The following KCNH7 variants were observed in gnomAD, a reference collection of about 807,000 sequenced individuals.
KCNH7 encodes the protein potassium voltage-gated channel subfamily H member 7, also known as voltage-gated inwardly rectifying potassium channel KCNH7.
In KCNH7, 49 loss-of-function variants were observed where a neutral mutation model predicts 120.8. The ratio of observed to expected loss-of-function variants is 0.41; its 90% CI spans 0.32 to 0.51. The LOEUF (loss-of-function observed/expected upper bound fraction) is 0.51, where lower values mean the gene tolerates loss of function less well. Among genes scored for constraint, KCNH7 ranks in the 20% least tolerant of loss-of-function variants. KCNH7 has a pLI of 0.38. For synonymous variants in KCNH7, 547 were observed against 516.1 expected (o/e 1.06, Z -0.81); for missense variants, 1,097 against 1,446.6 (o/e 0.76, Z 3.92).
At chr2:162,787,635 G>A (rs750484034) in intron 2 of KCNH7, among the ~76,000 whole-genome samples, 2 of 152,184 alleles carry the variant, frequency 1.3e-5, no homozygotes, top group Non-Finnish European at 2.9e-5. Flanking sequence ...TCATGATCAA[G>A]TCTTTCCCAT....
intron 8 of KCNH7, among the ~76,000 whole-genome samples, chr2:162,426,724 G>T (rs533132546): frequency 5.9e-5 from 9 of 152,100 alleles, no homozygotes; most frequent in African/African-American, 1.9e-4. Flanking sequence ...AAATTTTATT[G>T]ATGTGTAATT....
chr2:162,706,467 A>T (rs1288777225), intron 2 of KCNH7, among the ~76,000 whole-genome samples: 1 of 152,070 alleles, frequency 6.6e-6, no homozygotes, highest in Non-Finnish European at 1.5e-5. Flanking sequence ...TATTTTACAG[A>T]TGAGAAGACT....
chr2:162,813,379 A>G (rs909553420), intron 2 of KCNH7, among the ~76,000 whole-genome samples: 6 of 152,200 alleles, frequency 3.9e-5, no homozygotes, highest in African/African-American at 1.4e-4. Flanking sequence ...TGTGTACACA[A>G]TGGTGGTCAC....
intron 2 of KCNH7, among the ~76,000 whole-genome samples, chr2:162,808,181 A>T (rs917361076): frequency 1.3e-5 from 2 of 152,196 alleles, no homozygotes; most frequent in African/African-American, 4.8e-5. Flanking sequence ...ACCTAATGCA[A>T]TGTAATGCTA....
At chr2:162,607,785 T>A (rs1340720313) in intron 2 of KCNH7, among the ~76,000 whole-genome samples, 1 of 152,076 alleles carries the variant, frequency 6.6e-6, no homozygotes, top group Non-Finnish European at 1.5e-5. Context: ...GAATGTAAAT[T>A]ATAGCTAATA....
chr2:162,491,177 A>G (rs1690292056), intron 6 of KCNH7, among the ~76,000 whole-genome samples: 1 of 152,198 alleles, frequency 6.6e-6, no homozygotes. Flanking sequence ...CCTCTGGTTG[A>G]GCCAAGAGGG....
At chr2:162,753,399 GCTT>G (rs1424556304) in intron 2 of KCNH7, among the ~76,000 whole-genome samples, 2 of 152,056 alleles carry the variant, frequency 1.3e-5, no homozygotes, top group East Asian at 3.8e-4. Context: ...TTTCACAGAA[GCTT>G]ATGAGATAGA....
intron 2 of KCNH7, among the ~76,000 whole-genome samples, chr2:162,718,481 T>A (rs769884950): frequency 5.3e-5 from 8 of 152,032 alleles, no homozygotes; most frequent in Non-Finnish European, 1.0e-4. Context: ...CTGAAATCAT[T>A]TAAAGCCCAC....
chr2:162,635,369 A>G (rs1024626032), intron 2 of KCNH7, among the ~76,000 whole-genome samples: 6 of 152,052 alleles, frequency 3.9e-5, no homozygotes, highest in Admixed American at 3.9e-4. Flanking sequence ...TAGGTCCCCA[A>G]GATATTACTA....
At chr2:162,753,029 A>G (rs1461069499) in intron 2 of KCNH7, among the ~76,000 whole-genome samples, 1 of 139,774 alleles carries the variant, frequency 7.2e-6, no homozygotes, top group African/African-American at 2.7e-5. Flanking sequence ...AAAAGAAAAG[A>G]AACCCTGACT....
chr2:162,703,256 G>C (rs1392754810), intron 2 of KCNH7, among the ~76,000 whole-genome samples: 1 of 152,000 alleles, frequency 6.6e-6, no homozygotes, highest in Non-Finnish European at 1.5e-5. Context: ...CTTTGTATTT[G>C]AGACACCTAA....
At chr2:162,672,074 G>A (rs35429901) in intron 2 of KCNH7, among the ~76,000 whole-genome samples, 25,424 of 151,814 alleles carry the variant, frequency 0.17, 2,469 homozygotes, top group East Asian at 0.46. Flanking sequence ...CAGAACCACA[G>A]GAAAAAAATT....
chr2:162,426,223 A>T (rs1372688603), intron 8 of KCNH7, among the ~76,000 whole-genome samples: 1 of 151,826 alleles, frequency 6.6e-6, no homozygotes, highest in Non-Finnish European at 1.5e-5. Context: ...TTAAAAAAAA[A>T]AAAAAAAAAA....
chr2:162,399,664 G>A (rs1687013930), intron 10 of KCNH7, among the ~76,000 whole-genome samples: 1 of 151,822 alleles, frequency 6.6e-6, no homozygotes, highest in Non-Finnish European at 1.5e-5. Flanking sequence ...TCTATCACTG[G>A]TTGTTAAGTT....
intron 2 of KCNH7, among the ~76,000 whole-genome samples, chr2:162,778,156 G>A (rs1683325433): frequency 6.6e-6 from 1 of 151,952 alleles, no homozygotes; most frequent in Admixed American, 6.6e-5. Flanking sequence ...AGGAAAATGG[G>A]AATTTCTCTT....
At chr2:162,613,070 AC>A (rs1267279090) in intron 2 of KCNH7, among the ~76,000 whole-genome samples, 1 of 151,980 alleles carries the variant, frequency 6.6e-6, no homozygotes, top group Non-Finnish European at 1.5e-5. Context: ...AGAGAAAACA[AC>A]CACATATGCC....
intron 2 of KCNH7, among the ~76,000 whole-genome samples, chr2:162,748,098 T>C (rs905905747): frequency 7.2e-5 from 11 of 152,198 alleles, no homozygotes; most frequent in Non-Finnish European, 1.6e-4. Flanking sequence ...TAAAAAGCAC[T>C]AAACACTAAA....
At chr2:162,644,417 T>C (rs1271673422) in intron 2 of KCNH7, among the ~76,000 whole-genome samples, 1 of 152,184 alleles carries the variant, frequency 6.6e-6, no homozygotes, top group Non-Finnish European at 1.5e-5. Flanking sequence ...TTTATTTTTA[T>C]CAGTGAAAAA....
chr2:162,462,157 C>T (rs1438248823), intron 6 of KCNH7, among the ~76,000 whole-genome samples: 1 of 151,978 alleles, frequency 6.6e-6, no homozygotes, highest in African/African-American at 2.4e-5. Context: ...GCACCATTTA[C>T]AGGTCAAGGA....
Sources: gnomAD v4.1 joint callset for allele counts (sites outside exome capture counted in the v4.1 genomes callset) on GRCh38, gnomAD v4.1.1 for gene constraint, MANE v1.5 for transcripts, NCBI Gene and HGNC (gene_info 2026-07-23, HGNC 2026-07-21) for gene names.